POR: variants seen among roughly 807,000 people sequenced by gnomAD.
The protein encoded by POR is cytochrome p450 oxidoreductase, also known as NADPH--cytochrome P450 reductase.
In POR, 56 loss-of-function variants were observed where a neutral mutation model predicts 84.0. The observed-to-expected ratio is 0.67, with a 90% CI of 0.54 to 0.83. POR has a LOEUF of 0.83. Among genes scored for constraint, POR ranks in the 40% least tolerant of loss-of-function variants. The probability of loss-of-function intolerance (pLI) is 0.00; values close to 1 mark genes in which losing one functional copy is unlikely to be tolerated. For missense variants in POR, 938 were observed against 944.3 expected, an observed-to-expected ratio of 0.99 and a Z score of 0.09; for synonymous variants, 414 against 400.5, an observed-to-expected ratio of 1.03 and a Z score of -0.40.
intron 1 of POR, chr7:75,923,380 G>A (rs1806966655): frequency 2.6e-6 from 2 of 755,860 alleles, no homozygotes; most frequent in Non-Finnish European, 4.8e-6. Flanking sequence ...CTTTCTGAAG[G>A]AGATTGGCAC....
chr7:75,923,892 A>C (rs1296942682), intron 1 of POR, among the ~76,000 whole-genome samples: 3 of 151,664 alleles, frequency 2.0e-5, no homozygotes, highest in African/African-American at 7.3e-5. Flanking sequence ...CCATCTCAAA[A>C]AAAAAAAAAA....
intron 1 of POR, among the ~76,000 whole-genome samples, chr7:75,953,537 G>C (rs1193440121): frequency 9.9e-5 from 15 of 152,122 alleles, no homozygotes; most frequent in Non-Finnish European, 2.9e-5. Context: ...TGGAGACTTG[G>C]AACATGCAGG....
intron 2 of POR, among the ~76,000 whole-genome samples, chr7:75,964,795 C>T (rs950891117): frequency 6.6e-6 from 1 of 151,978 alleles, no homozygotes; most frequent in East Asian, 1.9e-4. Flanking sequence ...GAGGCTGAGG[C>T]GAGAGGATCA....
At chr7:75,947,587 G>A (rs868931609) in intron 1 of POR, among the ~76,000 whole-genome samples, 3 of 152,102 alleles carry the variant, frequency 2.0e-5, no homozygotes, top group African/African-American at 4.8e-5. Flanking sequence ...TAGCCACCAC[G>A]GCCGGCCCCA....
chr7:75,929,982 A>G (rs571559364), intron 1 of POR, among the ~76,000 whole-genome samples: 14 of 152,322 alleles, frequency 9.2e-5, no homozygotes, highest in Admixed American at 7.2e-4. Context: ...AAGAAGTGAC[A>G]GAGAGGGTCC....
chr7:75,978,659 G>T (rs1367670298), intron 3 of POR, among the ~76,000 whole-genome samples: 8 of 152,204 alleles, frequency 5.3e-5, no homozygotes, highest in African/African-American at 1.9e-4. Context: ...AAGTAGCTGG[G>T]ATTACAGGCA....
chr7:75,978,533 G>GT (rs1284171702), intron 3 of POR, among the ~76,000 whole-genome samples: 7 of 152,146 alleles, frequency 4.6e-5, no homozygotes, highest in East Asian at 3.9e-4. Flanking sequence ...TGTTTTTTGG[G>GT]TTTTTTTGTG....
Position 75,966,345 on chromosome 7 carries a change from C to T in POR, c.189-6068C>T, listed in dbSNP as rs1277510196. On this transcript the variant is annotated intron_variant, in intron 2 of 15. Transcript: ENST00000461988. ...CTTCTGTCTGAGCTCCAGCAAACCACTTTCTGTTTTCACCAAAGACTGGCG... is the reference window on the plus strand; with the variant it reads ...CTTCTGTCTGAGCTCCAGCAAACCATTTTCTGTTTTCACCAAAGACTGGCG... Among the ~76,000 whole-genome samples, 11 of 152,296 alleles carry T rather than the reference C, an allele frequency of 7.2e-5. No homozygotes were observed. In the East Asian group the frequency reaches 1.9e-3, roughly 27 times the overall value.
chr7:75,924,707 A>C (rs548277569), intron 1 of POR, among the ~76,000 whole-genome samples: 1 of 152,164 alleles, frequency 6.6e-6, no homozygotes, highest in Non-Finnish European at 1.5e-5. Context: ...CCCCCATCTC[A>C]AAATATACAG....
intron 2 of POR, among the ~76,000 whole-genome samples, chr7:75,961,819 G>C (rs997821673): frequency 3.9e-5 from 6 of 152,166 alleles, no homozygotes; most frequent in Admixed American, 1.3e-4. Context: ...TTCGAGATCA[G>C]CCTGGGTAGC....
Position 75,985,689 on chromosome 7 carries a change from C to G in POR, c.1509C>G (p.Ala503=). Residue 503 remains alanine (A), a synonymous_variant, in exon 13 of 16, where the codon GCC becomes GCG. Transcript: ENST00000461988. The stretch of plus-strand genomic sequence containing the variant: ...ACTGGCTGCGGGCCAAGGAGCCTGC[C>G]GGGGAGAACGGCGGCCGTGCGCTGG... The G allele has an allele frequency of 6.3e-7, 1 of 1,592,474 alleles. No homozygotes were observed. Among genetic ancestry groups the G allele is most frequent in the Non-Finnish European group, 8.5e-7 (1 of 1,170,976 alleles).
rs72553996 is a variant in POR, at chr7:75,979,697, C to A, written c.366+118C>A. The A allele has an allele frequency of 7.7e-6, 11 of 1,420,528 alleles. No individual in the cohort carries two copies. The East Asian group carries it at 2.6e-4, about 33-fold the overall frequency. 88.0% of individuals were successfully genotyped at this position (1,420,528 alleles called of 1,614,324 possible). On this transcript the variant is annotated intron_variant, in intron 4 of 15. Transcript: ENST00000461988. ...AGGGAGTGGGGTCCTGGGAAGACGT[C>A]CTCGGAAGTTGCCTTCCCGTGAGGG...
intron 1 of POR, among the ~76,000 whole-genome samples, chr7:75,927,912 C>G (rs1012796012): frequency 1.3e-5 from 2 of 148,712 alleles, no homozygotes; most frequent in Non-Finnish European, 3.0e-5. Context: ...CTCAAGTGAT[C>G]TTGCCCTCCT....
chr7:75,957,734 TC>T (rs2116444971), intron 2 of POR, among the ~76,000 whole-genome samples: 1 of 152,348 alleles, frequency 6.6e-6, no homozygotes, highest in South Asian at 2.1e-4. Flanking sequence ...TTCTGTTCCC[TC>T]CACCTAATCA....
intron 2 of POR, among the ~76,000 whole-genome samples, chr7:75,966,259 C>T (rs1035631902): frequency 2.0e-5 from 3 of 152,186 alleles, no homozygotes; most frequent in African/African-American, 4.8e-5. Context: ...AGCCAGCTGT[C>T]TCCAGCAGCT....
At chr7:75,948,539 A>G (rs1288838468) in intron 1 of POR, among the ~76,000 whole-genome samples, 6 of 152,224 alleles carry the variant, frequency 3.9e-5, no homozygotes, top group African/African-American at 1.4e-4. Context: ...TGCAGGTGTT[A>G]GAGACAGGCA....
chr7:75,982,013 G>A (rs534768870), intron 7 of POR: 10 of 585,228 alleles, frequency 1.7e-5, no homozygotes, highest in Admixed American at 2.9e-5. Flanking sequence ...GCTTCTGGGC[G>A]TCTGGCCCCC....
At chr7:75,978,604 A>C (rs1585126205) in intron 3 of POR, among the ~76,000 whole-genome samples, 1 of 151,964 alleles carries the variant, frequency 6.6e-6, no homozygotes, top group Non-Finnish European at 1.5e-5. Flanking sequence ...GCTCACCACA[A>C]CCTCTGCCTC....
chr7:75,919,769 G>A (rs536411066), intron 1 of POR, among the ~76,000 whole-genome samples: 10 of 152,246 alleles, frequency 6.6e-5, no homozygotes, highest in African/African-American at 2.4e-4. Context: ...AAGCCCCGGG[G>A]AACCTGATCC....
Sources: gnomAD v4.1 joint callset for allele counts (sites outside exome capture counted in the v4.1 genomes callset) on GRCh38, gnomAD v4.1.1 for gene constraint, MANE v1.5 for transcripts, NCBI Gene and HGNC (gene_info 2026-07-23, HGNC 2026-07-21) for gene names.